The following GNA14 variants were observed in gnomAD, a reference collection of about 807,000 sequenced individuals.
The protein encoded by GNA14 is guanine nucleotide-binding protein subunit alpha-14.
GNA14 carries 50 observed loss-of-function variants against 42.0 expected under a neutral mutation model. The ratio of observed to expected loss-of-function variants is 1.19; its 90% CI spans 0.95 to 1.51. The LOEUF (loss-of-function observed/expected upper bound fraction) is 1.51, where lower values mean the gene tolerates loss of function less well. Ranked by LOEUF, GNA14 falls within the 40% of genes most tolerant of loss-of-function variation. The pLI is 0.00. For missense variants in GNA14, 473 were observed against 446.2 expected, an observed-to-expected ratio of 1.06 and a Z score of -0.54; for synonymous variants, 173 against 163.1, an observed-to-expected ratio of 1.06 and a Z score of -0.46.
At chr9:77,563,710 T>C (rs76618835) in intron 1 of GNA14, among the ~76,000 whole-genome samples, 2,784 of 152,276 alleles carry the variant, frequency 0.018, 43 homozygotes, top group Non-Finnish European at 0.026. Flanking sequence ...AATTGAAGTG[T>C]TGCTTTCTAA....
rs571166693 is a variant in GNA14 at position 77,554,203 on chromosome 9, G to A, written c.125-24950C>T. ...CTCAGCCCACAGCAAGCCTTTAAAA[G>A]TGTCTCTGTTACTTTCAGGTGAAGA... is the stretch of plus-strand genomic sequence containing the variant. On this transcript the variant is annotated intron_variant, in intron 1 of 6. Transcript: ENST00000341700. Among the ~76,000 whole-genome samples, 58 of 152,280 alleles carry A rather than the reference G, an allele frequency of 3.8e-4. 1 individual carries two copies. The highest frequency in any genetic ancestry group is 3.4e-3 in the Middle Eastern group (1 of 294).
intron 1 of GNA14, among the ~76,000 whole-genome samples, chr9:77,611,953 A>G (rs1823741928): frequency 6.6e-6 from 1 of 152,170 alleles, no homozygotes; most frequent in South Asian, 2.1e-4. Flanking sequence ...GTAAAGTACT[A>G]AGACCCAAAA....
At chr9:77,558,200 G>C (rs1822819536) in intron 1 of GNA14, among the ~76,000 whole-genome samples, 1 of 152,022 alleles carries the variant, frequency 6.6e-6, no homozygotes, top group South Asian at 2.1e-4. Context: ...CATATAGAAG[G>C]GTTCTTAACA....
At chr9:77,469,624 A>G (rs974133399) in intron 2 of GNA14, among the ~76,000 whole-genome samples, 3 of 152,074 alleles carry the variant, frequency 2.0e-5, no homozygotes, top group African/African-American at 7.2e-5. Flanking sequence ...ATCATATAGG[A>G]GTATCAAAAA....
At chr9:77,567,896 G>A (rs1268195799) in intron 1 of GNA14, among the ~76,000 whole-genome samples, 1 of 152,042 alleles carries the variant, frequency 6.6e-6, no homozygotes. Flanking sequence ...TTCCATTATG[G>A]CCAGCAAAAG....
At chr9:77,628,510 A>G (rs1736794) in intron 1 of GNA14, among the ~76,000 whole-genome samples, 1 of 152,220 alleles carries the variant, frequency 6.6e-6, no homozygotes, top group Non-Finnish European at 1.5e-5. Context: ...ACAGTAACCA[A>G]AACAGCATGG....
chr9:77,566,913 G>A (rs964032466), intron 1 of GNA14, among the ~76,000 whole-genome samples: 2 of 152,032 alleles, frequency 1.3e-5, no homozygotes, highest in East Asian at 3.9e-4. Flanking sequence ...CAAATGCTAC[G>A]CTAATTAAAA....
At chr9:77,593,543 C>G (rs1823421362) in intron 1 of GNA14, among the ~76,000 whole-genome samples, 1 of 152,192 alleles carries the variant, frequency 6.6e-6, no homozygotes, top group South Asian at 2.1e-4. Flanking sequence ...CTCCTGATCT[C>G]AGGTGATCCA....
At chr9:77,473,118 C>T (rs935269657) in intron 2 of GNA14, among the ~76,000 whole-genome samples, 10 of 152,140 alleles carry the variant, frequency 6.6e-5, no homozygotes, top group Middle Eastern at 3.4e-3. Flanking sequence ...AAAAGAAGTA[C>T]AAAACTTGTA....
chr9:77,548,861 G>C (rs1450156562), intron 1 of GNA14, among the ~76,000 whole-genome samples: 1 of 152,140 alleles, frequency 6.6e-6, no homozygotes, highest in Non-Finnish European at 1.5e-5. Context: ...CAGAAGTGTG[G>C]ACCCAGAGAT....
intron 1 of GNA14, among the ~76,000 whole-genome samples, chr9:77,569,650 C>A (rs888229370): frequency 2.6e-5 from 4 of 152,120 alleles, no homozygotes; most frequent in Non-Finnish European, 5.9e-5. Flanking sequence ...TATGTGGGGG[C>A]TTTGGTTTCT....
chr9:77,586,969 C>T (rs1221483888), intron 1 of GNA14, among the ~76,000 whole-genome samples: 1 of 131,936 alleles, frequency 7.6e-6, no homozygotes, highest in South Asian at 2.3e-4. Flanking sequence ...CTCGATTTTA[C>T]AGGCTGGTTT....
chr9:77,431,296 T>C, intron 4 of GNA14, 25 bp downstream of exon 4: 2 of 1,608,288 alleles, frequency 1.2e-6, no homozygotes, highest in East Asian at 2.2e-5. Flanking sequence ...AGATTCTTCA[T>C]GGTACATCAG....
At chr9:77,637,106 C>A (rs1386771035) in intron 1 of GNA14, among the ~76,000 whole-genome samples, 1 of 152,136 alleles carries the variant, frequency 6.6e-6, no homozygotes, top group Non-Finnish European at 1.5e-5. Flanking sequence ...GTAAAACATA[C>A]ATTTACTGGT....
chr9:77,431,805 C>A (rs1438950318), intron 3 of GNA14: 1 of 202,058 alleles, frequency 4.9e-6, no homozygotes, highest in African/African-American at 2.3e-5. Context: ...ATCTGTCATC[C>A]TCCCTCCAGA....
intron 1 of GNA14, among the ~76,000 whole-genome samples, chr9:77,573,117 A>T (rs568772021): frequency 1.3e-5 from 2 of 152,256 alleles, no homozygotes; most frequent in Admixed American, 1.3e-4. Context: ...TGCATCAAAG[A>T]TGTTGGGTTG....
intron 1 of GNA14, among the ~76,000 whole-genome samples, chr9:77,535,836 A>C (rs918254604): frequency 2.6e-5 from 4 of 151,506 alleles, no homozygotes; most frequent in South Asian, 4.2e-4. Flanking sequence ...TGCTAATAGA[A>C]TATGCCTGGG....
intron 2 of GNA14, among the ~76,000 whole-genome samples, chr9:77,435,625 T>G (rs1835629932): frequency 6.6e-6 from 1 of 152,206 alleles, no homozygotes; most frequent in Non-Finnish European, 1.5e-5. Context: ...CCATTATTAC[T>G]GTAATTATTA....
At chr9:77,456,864 C>T (rs919640499) in intron 2 of GNA14, among the ~76,000 whole-genome samples, 4 of 152,088 alleles carry the variant, frequency 2.6e-5, no homozygotes, top group Non-Finnish European at 5.9e-5. Context: ...CAGAGGTTTA[C>T]ATCCATATCA....
Sources: allele counts gnomAD v4.1 joint callset (sites outside exome capture counted in the v4.1 genomes callset), GRCh38; gene constraint gnomAD v4.1.1; transcripts MANE v1.5; gene names NCBI Gene and HGNC (gene_info 2026-07-23, HGNC 2026-07-21).